The following EMC2 variants were observed in gnomAD, a reference collection of about 807,000 sequenced individuals.
EMC2 encodes the protein ER membrane protein complex subunit 2, also known as TPR repeat protein 35.
A neutral mutation model predicts 51.6 loss-of-function variants in EMC2; 37 were observed. The ratio of observed to expected loss-of-function variants is 0.72; its 90% CI spans 0.55 to 0.94. The LOEUF (loss-of-function observed/expected upper bound fraction) is 0.94, where lower values mean the gene tolerates loss of function less well. Ranked by LOEUF, EMC2 falls within the 40% of genes least tolerant of loss-of-function variation. EMC2 has a pLI of 0.00. For missense variants in EMC2, 359 were observed against 350.9 expected, an observed-to-expected ratio of 1.02 and a Z score of -0.18; for synonymous variants, 131 against 112.4, an observed-to-expected ratio of 1.17 and a Z score of -1.04.
intron 4 of EMC2, among the ~76,000 whole-genome samples, chr8:108,455,523 C>G (rs1819129174): frequency 6.6e-6 from 1 of 152,058 alleles, no homozygotes; most frequent in Non-Finnish European, 1.5e-5. Context: ...CTGTTTATGC[C>G]AGTACTTCTA....
Position 108,486,706 on chromosome 8 carries a change from T to A in EMC2, c.*108T>A. The A allele has an allele frequency of 8.7e-7, 1 of 1,148,314 alleles. No homozygotes were observed. Among genetic ancestry groups the A allele is most frequent in the Non-Finnish European group, 1.2e-6 (1 of 849,976 alleles). 71.1% of individuals were successfully genotyped at this position (1,148,314 alleles called of 1,614,324 possible). On this transcript the variant is annotated 3_prime_UTR_variant, in exon 11 of 11. Coordinates refer to ENST00000220853, the MANE Select transcript of EMC2 (RefSeq NM_014673.5). Reference sequence around the variant, plus strand: ...TGCTATTTATATACTACAGTAATTTTCTGTTAAGAAGGCAGTTGTAAAGAA... The same window carrying A: ...TGCTATTTATATACTACAGTAATTTACTGTTAAGAAGGCAGTTGTAAAGAA...
chr8:108,476,012 C>A (rs758260958), intron 8 of EMC2, 49 bp downstream of exon 8: 28 of 1,029,086 alleles, frequency 2.7e-5, no homozygotes, highest in South Asian at 4.4e-5. Context: ...GGTTACTATT[C>A]GGTGTTATTA....
chr8:108,483,685 A>C (rs372516012), intron 10 of EMC2, among the ~76,000 whole-genome samples: 7 of 152,168 alleles, frequency 4.6e-5, no homozygotes, highest in Non-Finnish European at 8.8e-5. Flanking sequence ...TTGATAAGCA[A>C]GTTTTTATTG....
intron 5 of EMC2, among the ~76,000 whole-genome samples, chr8:108,467,536 C>T (rs1428852000): frequency 6.6e-6 from 1 of 151,702 alleles, no homozygotes; most frequent in East Asian, 1.9e-4. Context: ...TGATTTGTGG[C>T]ATTTGTATGC....
At chr8:108,453,202 A>ATT in intron 4 of EMC2, 55 bp downstream of exon 4, 2 of 1,054,506 alleles carry the variant, frequency 1.9e-6, no homozygotes, top group East Asian at 2.6e-5. Flanking sequence ...TGGTGGTGTT[A>ATT]ATTTTTTTTT....
chr8:108,458,915 G>C (rs1481351419), intron 5 of EMC2, among the ~76,000 whole-genome samples: 4 of 152,102 alleles, frequency 2.6e-5, no homozygotes, highest in Non-Finnish European at 5.9e-5. Context: ...TGTTTCCCTT[G>C]TAAAACTGAA....
intron 10 of EMC2, among the ~76,000 whole-genome samples, chr8:108,482,362 A>G (rs1456279850): frequency 6.6e-6 from 1 of 152,156 alleles, no homozygotes; most frequent in Non-Finnish European, 1.5e-5. Flanking sequence ...GCAAATATGT[A>G]TAACTTCTTA....
intron 4 of EMC2, among the ~76,000 whole-genome samples, chr8:108,454,556 A>C (rs1819108518): frequency 6.6e-6 from 1 of 152,092 alleles, no homozygotes; most frequent in South Asian, 2.1e-4. Context: ...TTATTCATAA[A>C]TCATAATCAC....
chr8:108,478,633 GTAA>G (rs1810988593), intron 9 of EMC2, among the ~76,000 whole-genome samples: 5 of 151,832 alleles, frequency 3.3e-5, no homozygotes, highest in Admixed American at 2.0e-4. Context: ...ATGTAATTCA[GTAA>G]TAAGAAATAA....
intron 5 of EMC2, 119 bp from the exon 6 acceptor site, chr8:108,469,707 G>A (rs1461122885): frequency 1.3e-5 from 10 of 764,216 alleles, no homozygotes; most frequent in Admixed American, 9.5e-5. Context: ...CCACTAAGCA[G>A]TAGTTCTACA....
intron 4 of EMC2, among the ~76,000 whole-genome samples, chr8:108,453,922 ATTGTTGTGTT>A (rs1462276518): frequency 6.6e-6 from 1 of 152,024 alleles, no homozygotes; most frequent in African/African-American, 2.4e-5. Flanking sequence ...AATAATAAGG[ATTGTTGTGTT>A]TTTCTTGAGA....
At chr8:108,478,323 A>G (rs574207252) in intron 9 of EMC2, among the ~76,000 whole-genome samples, 7 of 152,172 alleles carry the variant, frequency 4.6e-5, no homozygotes, top group Non-Finnish European at 1.0e-4. Flanking sequence ...CACAGATCCC[A>G]GATTAAGAAC....
chr8:108,444,658 A>C lies in EMC2; in HGVS notation c.40+960A>C, dbSNP rs1818834910. 4.6e-5 allele frequency among the ~76,000 whole-genome samples: 7 copies of C among 152,250 alleles called. No individual in the cohort carries two copies. The South Asian group carries it at 1.4e-3, about 31-fold the overall frequency. On this transcript the variant is annotated intron_variant, in intron 1 of 10. Transcript: ENST00000220853. ...GTGAATAAATATATCAGTTATTATA[A>C]AGTTGTAAATCCGTTACAAATAAAG...
intron 5 of EMC2, 48 bp downstream of exon 5, chr8:108,455,978 GAT>G (rs1288970528): frequency 5.0e-6 from 4 of 805,620 alleles, no homozygotes. Context: ...TAATTTAAAA[GAT>G]AAAATTAATC....
At chr8:108,453,734 T>C (rs1207329989) in intron 4 of EMC2, among the ~76,000 whole-genome samples, 2 of 152,186 alleles carry the variant, frequency 1.3e-5, no homozygotes, top group African/African-American at 4.8e-5. Context: ...TCAGTACTTC[T>C]AGATAATTGA....
chr8:108,467,172 G>T (rs2130381728), intron 5 of EMC2, among the ~76,000 whole-genome samples: 1 of 152,248 alleles, frequency 6.6e-6, no homozygotes. Context: ...ACTTCCTTCA[G>T]TGTCCAGTAC....
chr8:108,450,952 A>G (rs1232587800), intron 3 of EMC2, among the ~76,000 whole-genome samples: 1 of 152,230 alleles, frequency 6.6e-6, no homozygotes, highest in African/African-American at 2.4e-5. Context: ...CTGTAATCCC[A>G]GCACTTTGGG....
rs140638043 is a variant in EMC2 at position 108,467,019 on chromosome 8, T to G, written c.364-2807T>G. 4.8e-3 allele frequency among the ~76,000 whole-genome samples: 731 copies of G among 152,234 alleles called. 6 individuals are homozygous for G. The highest frequency in any genetic ancestry group is 0.016 in the African/African-American group (680 of 41,546). ...TGAACAGATTCAGGAGTCCCAGGATTTGCAATGTAAGTCTGGGCTTTGTTT... is the reference window on the plus strand; with the variant it reads ...TGAACAGATTCAGGAGTCCCAGGATGTGCAATGTAAGTCTGGGCTTTGTTT... On this transcript the variant is annotated intron_variant, in intron 5 of 10. Transcript: ENST00000220853.
chr8:108,484,131 C>T (rs193139130), intron 10 of EMC2, among the ~76,000 whole-genome samples: 1 of 152,138 alleles, frequency 6.6e-6, no homozygotes, highest in South Asian at 2.1e-4. Flanking sequence ...TAATGTGAAC[C>T]TACTCACAAT....
Sources: gnomAD v4.1 joint callset for allele counts (sites outside exome capture counted in the v4.1 genomes callset) on GRCh38, gnomAD v4.1.1 for gene constraint, MANE v1.5 for transcripts, NCBI Gene and HGNC (gene_info 2026-07-23, HGNC 2026-07-21) for gene names.